MCRIP1: variants seen among roughly 807,000 people sequenced by gnomAD.
The protein encoded by MCRIP1 is MAPK regulated corepressor interacting protein 1.
MCRIP1 carries 10 observed loss-of-function variants against 14.4 expected under a neutral mutation model. That is an observed-to-expected ratio of 0.70 (90% confidence interval 0.43 to 1.18). The LOEUF (loss-of-function observed/expected upper bound fraction) is 1.18. Ranked by LOEUF, MCRIP1 falls within the 50% of genes most tolerant of loss-of-function variation. MCRIP1 has a pLI of 0.00. For missense variants in MCRIP1, 119 were observed against 135.4 expected, an observed-to-expected ratio of 0.88 and a Z score of 0.60; for synonymous variants, 53 against 55.7, an observed-to-expected ratio of 0.95 and a Z score of 0.21.
intron 1 of MCRIP1, chr17:81,826,339 A>T: frequency 6.5e-7 from 1 of 1,535,492 alleles, no homozygotes; most frequent in African/African-American, 1.4e-5. Flanking sequence ...GTCTGTACAC[A>T]CCTGCCCACA....
rs2038303552 is a variant in MCRIP1, at chr17:81,823,071, T to G, written c.*176A>C. ...GGGGGCAGCCTGAGACCCCCAAGGA[T>G]GAAGGAAGGGGGCTTGGGAAGGAGA... On this transcript the variant is annotated 3_prime_UTR_variant, in exon 5 of 5. Coordinates refer to ENST00000455127, the MANE Select transcript of MCRIP1 (RefSeq NM_207368.5). The surrounding 1 kb of genome is among the most constrained non-coding windows in gnomAD (Gnocchi z 6.0). The G allele has an allele frequency of 4.5e-6, 3 of 665,912 alleles. No homozygotes were observed. Among genetic ancestry groups the G allele is most frequent in the Admixed American group, 2.3e-5 (1 of 42,764 alleles). 41.3% of individuals were successfully genotyped at this position (665,912 alleles called of 1,614,324 possible). A position where few individuals can be genotyped will look rare whatever the true frequency, so the allele number is the denominator to read the frequency against.
At chr17:81,825,735 G>C (rs1598250365) in intron 1 of MCRIP1, 1 of 1,289,210 alleles carries the variant, frequency 7.8e-7, no homozygotes, top group South Asian at 1.2e-5. Flanking sequence ...GTCCAAAAAG[G>C]GCCAGGGGCT....
At chr17:81,824,438 C>T in intron 2 of MCRIP1, 33 bp from the exon 3 acceptor site, 1 of 1,534,178 alleles carries the variant, frequency 6.5e-7, no homozygotes, top group African/African-American at 1.4e-5. Flanking sequence ...ACAGGGCACA[C>T]AGCAGGGTGG....
chr17:81,824,571 C>A lies in MCRIP1; in HGVS notation c.-48-17G>T. On this transcript the variant is annotated splice_polypyrimidine_tract_variant and intron_variant, in intron 1 of 4. Transcript: ENST00000455127. ...CCTCAGCCTCTGAAACAGAAGCCAGCGCAGGCATGGGACGCAGGGCCACCC... is the reference window on the plus strand; with the variant it reads ...CCTCAGCCTCTGAAACAGAAGCCAGAGCAGGCATGGGACGCAGGGCCACCC... 3 of 1,535,842 alleles carry A rather than the reference C, an allele frequency of 2.0e-6. No homozygotes were observed. The highest frequency in any genetic ancestry group is 1.7e-4 in the Middle Eastern group (1 of 5,980).
chr17:81,830,678 C>T (rs1351257980), intron 1 of MCRIP1, among the ~76,000 whole-genome samples: 1 of 151,680 alleles, frequency 6.6e-6, no homozygotes, highest in Non-Finnish European at 1.5e-5. Context: ...GGTGGTAATC[C>T]TAGCACTTTG....
At chr17:81,826,005 C>G (rs748835000) in intron 1 of MCRIP1, 32 of 1,364,722 alleles carry the variant, frequency 2.3e-5, no homozygotes, top group Middle Eastern at 1.9e-4. Flanking sequence ...CACCACTGAC[C>G]GACTGCTGCT....
intron 1 of MCRIP1, chr17:81,825,387 C>T: frequency 8.4e-7 from 1 of 1,185,764 alleles, no homozygotes. Flanking sequence ...GCTGACAGGG[C>T]TGGTCTCCAG....
chr17:81,824,708 CCAGCCACAGG>C (rs1219829045), intron 1 of MCRIP1, 154 bp from the exon 2 acceptor site: 2 of 1,455,424 alleles, frequency 1.4e-6, no homozygotes, highest in African/African-American at 2.8e-5. Flanking sequence ...AGGCTGGGGT[CCAGCCACAGG>C]CAGCCAGTGG....
chr17:81,823,758 A>C lies in MCRIP1; in HGVS notation c.128-245T>G. The C allele has an allele frequency of 1.7e-6, 1 of 592,674 alleles. No individual in the cohort carries two copies. The highest frequency in any genetic ancestry group is 3.0e-6 in the Non-Finnish European group (1 of 332,590). 36.7% of individuals were successfully genotyped at this position (592,674 alleles called of 1,614,324 possible). A position where few individuals can be genotyped will look rare whatever the true frequency, so the allele number is the denominator to read the frequency against. ...CAGGACTGTGGTCAGAGGGACCCCT[A>C]TGACCCTACCCCAGGCTTCCCTGCG... is the stretch of plus-strand genomic sequence containing the variant. On this transcript the variant is annotated intron_variant, in intron 3 of 4. Coordinates refer to ENST00000455127, the MANE Select transcript of MCRIP1 (RefSeq NM_207368.5). This position sits in a 1 kb window ranked among gnomAD's most constrained non-coding sequence, Gnocchi z 6.0.
At position 81,823,125 on chromosome 17, in the gene MCRIP1, T is replaced by C; in HGVS notation, c.*122A>G. 1.1e-6 allele frequency: 1 copy of C among 916,928 alleles called. No homozygotes were observed. Among genetic ancestry groups the C allele is most frequent in the Non-Finnish European group, 1.7e-6 (1 of 588,958 alleles). 56.8% of individuals were successfully genotyped at this position (916,928 alleles called of 1,614,324 possible). ...AGGCCTCAGCCGTCAGTCACGCCAG[T>C]GCTGGGATCTGCAGCCCGCTGGAGC... is the stretch of plus-strand genomic sequence containing the variant. On this transcript the variant is annotated 3_prime_UTR_variant, in exon 5 of 5. Transcript: ENST00000455127. The surrounding 1 kb of genome is among the most constrained non-coding windows in gnomAD (Gnocchi z 6.0).
Position 81,823,542 on chromosome 17 carries a change from G to A in MCRIP1, c.128-29C>T. Reference sequence around the variant, plus strand: ...CAGAGGCAGAGAGTGGTGTGCTCAGGGCCCCCTGCCCCAGGGGGTGGCATC... The same window carrying A: ...CAGAGGCAGAGAGTGGTGTGCTCAGAGCCCCCTGCCCCAGGGGGTGGCATC... On this transcript the variant is annotated intron_variant, in intron 3 of 4. Coordinates refer to ENST00000455127, the MANE Select transcript of MCRIP1 (RefSeq NM_207368.5). The surrounding 1 kb of genome is among the most constrained non-coding windows in gnomAD (Gnocchi z 6.0). The A allele has an allele frequency of 6.5e-7, 1 of 1,528,792 alleles. No homozygotes were observed. The highest frequency in any genetic ancestry group is 8.8e-7 in the Non-Finnish European group (1 of 1,140,952). 94.7% of individuals were successfully genotyped at this position (1,528,792 alleles called of 1,614,324 possible). A position where few individuals can be genotyped will look rare whatever the true frequency, so the allele number is the denominator to read the frequency against.
chr17:81,823,380 C>A lies in MCRIP1; in HGVS notation c.229+32G>T. On this transcript the variant is annotated intron_variant, in intron 4 of 4. Transcript: ENST00000455127. This position sits in a 1 kb window ranked among gnomAD's most constrained non-coding sequence, Gnocchi z 6.0. Reference sequence around the variant, plus strand: ...TGCCCATGAGGCCCGGCCTGCCGGCCCAGCCCTGCCCCCAGGTCAGCCCCC... The same window carrying A: ...TGCCCATGAGGCCCGGCCTGCCGGCACAGCCCTGCCCCCAGGTCAGCCCCC... 6.5e-7 allele frequency: 1 copy of A among 1,536,440 alleles called. No individual in the cohort carries two copies. The highest frequency in any genetic ancestry group is 8.7e-7 in the Non-Finnish European group (1 of 1,146,548).
At position 81,823,111 on chromosome 17, in the gene MCRIP1, G is replaced by T; in HGVS notation, c.*136C>A. ...TGGGAAGGAGAGGCAGGCCTCAGCC[G>T]TCAGTCACGCCAGTGCTGGGATCTG... On this transcript the variant is annotated 3_prime_UTR_variant, in exon 5 of 5. Transcript: ENST00000455127. The surrounding 1 kb of genome is among the most constrained non-coding windows in gnomAD (Gnocchi z 6.0). The T allele has an allele frequency of 1.2e-6, 1 of 810,872 alleles. No individual in the cohort carries two copies. The highest frequency in any genetic ancestry group is 1.6e-5 in the South Asian group (1 of 64,122). 50.2% of individuals were successfully genotyped at this position (810,872 alleles called of 1,614,324 possible). A position where few individuals can be genotyped will look rare whatever the true frequency, so the allele number is the denominator to read the frequency against.
In MCRIP1 at chr17:81,824,412, G is replaced by A; in HGVS notation, c.9-7C>T. On this transcript the variant is annotated splice_region_variant and splice_polypyrimidine_tract_variant and intron_variant, in intron 2 of 4. Coordinates refer to ENST00000455127, the MANE Select transcript of MCRIP1 (RefSeq NM_207368.5). ...GACTCTGGAGACGGGGGAGCTGGGGGAGCCTGGCGCATGAGACAGGGCACA... is the reference window on the plus strand; with the variant it reads ...GACTCTGGAGACGGGGGAGCTGGGGAAGCCTGGCGCATGAGACAGGGCACA... 3 of 1,533,544 alleles carry A rather than the reference G, an allele frequency of 2.0e-6. No individual in the cohort carries two copies. The highest frequency in any genetic ancestry group is 2.6e-6 in the Non-Finnish European group (3 of 1,144,732). 95.0% of individuals were successfully genotyped at this position (1,533,544 alleles called of 1,614,324 possible).
chr17:81,826,284 G>A, intron 1 of MCRIP1: 1 of 1,534,642 alleles, frequency 6.5e-7, no homozygotes, highest in South Asian at 1.2e-5. Context: ...CACCTTAGCT[G>A]AATACATCTG....
chr17:81,823,968 C>T lies in MCRIP1; in HGVS notation c.127+319G>A. On this transcript the variant is annotated intron_variant, in intron 3 of 4. Transcript: ENST00000455127. The surrounding 1 kb of genome is among the most constrained non-coding windows in gnomAD (Gnocchi z 6.0). ...TGTCTTCAAAGGCCCCTCCCTTTCC[C>T]CAGCAAACTCCTCCAGTGCTGCTAG... 1.9e-6 allele frequency: 1 copy of T among 530,310 alleles called. No individual in the cohort carries two copies. The highest frequency in any genetic ancestry group is 3.3e-6 in the Non-Finnish European group (1 of 300,770). The allele number at this position is 530,310 out of a possible 1,614,324, so 32.9% of individuals were successfully genotyped here. A position where few individuals can be genotyped will look rare whatever the true frequency, so the allele number is the denominator to read the frequency against.
intron 1 of MCRIP1, chr17:81,825,179 AG>A: frequency 9.6e-7 from 1 of 1,040,184 alleles, no homozygotes; most frequent in Non-Finnish European, 1.2e-6. Context: ...TGGTGGGCAG[AG>A]GGGGTGGCCC....
At chr17:81,824,173 G>A (rs1004536734) in intron 3 of MCRIP1, 114 bp downstream of exon 3, 1 of 838,530 alleles carries the variant, frequency 1.2e-6, no homozygotes, top group African/African-American at 1.7e-5. Context: ...TCTGTGCCCT[G>A]GAGGGGCAGG....
At position 81,825,721 on chromosome 17, in the gene MCRIP1, T is replaced by G. The variant is rs1005140796; in HGVS notation, c.-48-1167A>C. 5.4e-6 allele frequency: 7 copies of G among 1,288,770 alleles called. No individual in the cohort carries two copies. In the African/African-American group the frequency reaches 1.1e-4, roughly 20 times the overall value. 79.8% of individuals were successfully genotyped at this position (1,288,770 alleles called of 1,614,324 possible). ...TCTGTGCCCCATCCCAGGCCAGGAG[T>G]GAGGTCCAAAAAGGGCCAGGGGCTC... On this transcript the variant is annotated intron_variant, in intron 1 of 4. Transcript: ENST00000455127.
Sources: allele counts gnomAD v4.1 joint callset (sites outside exome capture counted in the v4.1 genomes callset), GRCh38; gene constraint gnomAD v4.1.1; non-coding constraint Gnocchi (gnomAD v3.1); transcripts MANE v1.5; gene names NCBI Gene and HGNC (gene_info 2026-07-23, HGNC 2026-07-21).